PDE10A: variants seen among roughly 807,000 people sequenced by gnomAD.
PDE10A encodes phosphodiesterase 10A.
In PDE10A, 39 loss-of-function variants were observed where a neutral mutation model predicts 97.7. The observed-to-expected ratio is 0.40, with a 90% CI of 0.31 to 0.52. PDE10A has a LOEUF of 0.52. Among genes scored for constraint, PDE10A ranks in the 20% least tolerant of loss-of-function variants. PDE10A has a pLI of 0.56. For synonymous variants in PDE10A, 371 were observed against 376.8 expected, an observed-to-expected ratio of 0.98 and a Z score of 0.18; for missense variants, 731 against 1,047.8, an observed-to-expected ratio of 0.70 and a Z score of 4.17.
chr6:165,468,483 C>T (rs997900930), intron 3 of PDE10A, among the ~76,000 whole-genome samples: 38 of 152,170 alleles, frequency 2.5e-4, no homozygotes, highest in Non-Finnish European at 3.5e-4. Flanking sequence ...ACTTTATATG[C>T]GCTGAGAAAC....
intron 1 of PDE10A, among the ~76,000 whole-genome samples, chr6:165,705,866 A>T (rs1468235264): frequency 6.6e-6 from 1 of 152,224 alleles, no homozygotes; most frequent in Non-Finnish European, 1.5e-5. Context: ...AAAAGAGCTA[A>T]GATTGCTTTT....
intron 3 of PDE10A, among the ~76,000 whole-genome samples, chr6:165,477,513 A>G (rs1317877277): frequency 6.6e-6 from 1 of 152,194 alleles, no homozygotes; most frequent in Non-Finnish European, 1.5e-5. Context: ...ATTGGGACTC[A>G]CCTAATATTT....
At chr6:165,656,508 A>G (rs1433618772) in intron 1 of PDE10A, among the ~76,000 whole-genome samples, 2 of 151,602 alleles carry the variant, frequency 1.3e-5, no homozygotes, top group African/African-American at 4.8e-5. Context: ...ACAGAATCCC[A>G]GCTCCAGCAC....
At chr6:165,376,056 G>A (rs1296326021) in intron 18 of PDE10A, among the ~76,000 whole-genome samples, 1 of 152,148 alleles carries the variant, frequency 6.6e-6, no homozygotes, top group African/African-American at 2.4e-5. Context: ...TGTAGCTAAT[G>A]GATCAAAATG....
intron 1 of PDE10A, among the ~76,000 whole-genome samples, chr6:165,898,106 C>T (rs77394041): frequency 0.072 from 10,919 of 151,688 alleles, 459 homozygotes; most frequent in Middle Eastern, 0.095. Flanking sequence ...AGTCCCCCTC[C>T]ACCCCCCATG....
intron 18 of PDE10A, among the ~76,000 whole-genome samples, chr6:165,372,420 C>G (rs1240085331): frequency 7.2e-6 from 1 of 139,340 alleles, no homozygotes; most frequent in African/African-American, 2.9e-5. Flanking sequence ...CACAAGCATT[C>G]TTATACACCA....
intron 18 of PDE10A, among the ~76,000 whole-genome samples, chr6:165,344,856 G>A (rs1240667658): frequency 1.3e-5 from 2 of 152,144 alleles, no homozygotes; most frequent in Non-Finnish European, 2.9e-5. Context: ...ACATTGGTTA[G>A]ATTTATGCAT....
At chr6:165,446,936 G>C (rs1180493367) in intron 5 of PDE10A, among the ~76,000 whole-genome samples, 1 of 152,112 alleles carries the variant, frequency 6.6e-6, no homozygotes, top group Non-Finnish European at 1.5e-5. Context: ...TATTGTACCA[G>C]TCCTTTAAGT....
chr6:165,846,618 A>T (rs146212041), intron 1 of PDE10A, among the ~76,000 whole-genome samples: 1 of 152,352 alleles, frequency 6.6e-6, no homozygotes, highest in Non-Finnish European at 1.5e-5. Flanking sequence ...TTCAATTCAA[A>T]AAGGAAGGCC....
At chr6:165,652,080 T>G (rs2128425879) in intron 1 of PDE10A, among the ~76,000 whole-genome samples, 1 of 152,330 alleles carries the variant, frequency 6.6e-6, no homozygotes, top group East Asian at 1.9e-4. Flanking sequence ...CCTTTAAAAA[T>G]TAGATATATT....
intron 6 of PDE10A, among the ~76,000 whole-genome samples, chr6:165,433,737 C>T (rs902149103): frequency 6.6e-6 from 1 of 151,918 alleles, no homozygotes; most frequent in Admixed American, 6.5e-5. Context: ...TACAGGGGGC[C>T]GGGCGCAGTG....
chr6:165,345,603 C>A (rs2128182611), intron 18 of PDE10A, among the ~76,000 whole-genome samples: 1 of 152,290 alleles, frequency 6.6e-6, no homozygotes, highest in East Asian at 1.9e-4. Flanking sequence ...CATGCTAAGC[C>A]TACTCTTGGT....
At chr6:165,744,364 A>G (rs1215587340) in intron 1 of PDE10A, among the ~76,000 whole-genome samples, 1 of 152,106 alleles carries the variant, frequency 6.6e-6, no homozygotes, top group African/African-American at 2.4e-5. Context: ...CCTTATTTTA[A>G]TTTTAGTCTT....
intron 2 of PDE10A, among the ~76,000 whole-genome samples, chr6:165,523,705 C>T (rs1397554426): frequency 6.6e-6 from 1 of 152,112 alleles, no homozygotes; most frequent in Non-Finnish European, 1.5e-5. Context: ...GAACATCAGA[C>T]TTGGCAAATA....
At chr6:165,896,614 T>C (rs1474131087) in intron 1 of PDE10A, among the ~76,000 whole-genome samples, 2 of 144,728 alleles carry the variant, frequency 1.4e-5, no homozygotes, top group Non-Finnish European at 3.0e-5. Context: ...AAGCTCCGCC[T>C]CCCGGGTACA....
chr6:165,881,310 T>C (rs2457987), intron 1 of PDE10A, among the ~76,000 whole-genome samples: 98,714 of 151,642 alleles, frequency 0.65, 32,576 homozygotes, highest in East Asian at 0.93. Flanking sequence ...AAACACTCTG[T>C]AAATATAAAC....
chr6:165,690,303 T>G (rs1237123771), intron 1 of PDE10A, among the ~76,000 whole-genome samples: 1 of 152,178 alleles, frequency 6.6e-6, no homozygotes, highest in Non-Finnish European at 1.5e-5. Flanking sequence ...CTCTCCATGG[T>G]TTTCTTTCAA....
At chr6:165,912,347 A>G (rs530969129) in intron 1 of PDE10A, among the ~76,000 whole-genome samples, 20 of 152,284 alleles carry the variant, frequency 1.3e-4, no homozygotes, top group African/African-American at 4.6e-4. Flanking sequence ...AGTAACTCCC[A>G]CATTAACACC....
At chr6:165,619,434 GTAGTGTAGTA>G (rs1562634875) in intron 1 of PDE10A, among the ~76,000 whole-genome samples, 5 of 2,850 alleles carry the variant, frequency 1.8e-3, no homozygotes, top group Admixed American at 3.4e-3. Context: ...GTAGTATAGT[GTAGTGTAGTA>G]TAGTCTAGTG....
Sources: gnomAD v4.1 joint callset for allele counts (sites outside exome capture counted in the v4.1 genomes callset) on GRCh38, gnomAD v4.1.1 for gene constraint, MANE v1.5 for transcripts, NCBI Gene and HGNC (gene_info 2026-07-23, HGNC 2026-07-21) for gene names.